NEGR1: variants seen among roughly 807,000 people sequenced by gnomAD.
NEGR1 encodes IgLON family member 4.
A neutral mutation model predicts 40.9 loss-of-function variants in NEGR1; 10 were observed. The observed-to-expected ratio is 0.24, with a 90% CI of 0.15 to 0.42. NEGR1 has a LOEUF of 0.42. Among genes scored for constraint, NEGR1 ranks in the 10% least tolerant of loss-of-function variants. The pLI, the probability that NEGR1 is intolerant of heterozygous loss-of-function variation, is 1.00. For missense variants in NEGR1, 352 were observed against 438.9 expected, an observed-to-expected ratio of 0.80 and a Z score of 1.77; for synonymous variants, 185 against 166.8, an observed-to-expected ratio of 1.11 and a Z score of -0.84.
chr1:71,469,859 T>C (rs1047351959), intron 6 of NEGR1, among the ~76,000 whole-genome samples: 1 of 152,046 alleles, frequency 6.6e-6, no homozygotes, highest in Non-Finnish European at 1.5e-5. Context: ...AAAAGTAGAG[T>C]TGATCTTTTT....
intron 2 of NEGR1, among the ~76,000 whole-genome samples, chr1:71,917,508 C>G (rs181365049): frequency 1.3e-5 from 2 of 152,040 alleles, no homozygotes; most frequent in African/African-American, 4.8e-5. Flanking sequence ...AAGAGTAAGT[C>G]GGACGGGTGC....
intron 1 of NEGR1, among the ~76,000 whole-genome samples, chr1:72,162,383 A>G (rs1244608370): frequency 6.6e-6 from 1 of 151,976 alleles, no homozygotes; most frequent in Non-Finnish European, 1.5e-5. Context: ...AATTGCTTGA[A>G]CCCGGGAGGC....
At chr1:72,264,939 GATT>G (rs1454473340) in intron 1 of NEGR1, among the ~76,000 whole-genome samples, 1 of 150,512 alleles carries the variant, frequency 6.6e-6, no homozygotes, top group African/African-American at 2.4e-5. Flanking sequence ...TCATTTTGAA[GATT>G]ATGTTAATAT....
intron 2 of NEGR1, 23 bp downstream of exon 2, chr1:71,935,056 A>G (rs1353155337): frequency 2.2e-6 from 3 of 1,342,872 alleles, no homozygotes; most frequent in African/African-American, 1.4e-5. Context: ...CTTTCACAAT[A>G]TAGCAGTTCT....
intron 1 of NEGR1, among the ~76,000 whole-genome samples, chr1:72,163,219 C>A (rs1651647945): frequency 6.6e-6 from 1 of 152,008 alleles, no homozygotes; most frequent in Non-Finnish European, 1.5e-5. Flanking sequence ...GATTACATTT[C>A]TTTTACAATA....
chr1:71,940,978 C>T (rs967097168), intron 1 of NEGR1, among the ~76,000 whole-genome samples: 1 of 152,106 alleles, frequency 6.6e-6, no homozygotes, highest in Non-Finnish European at 1.5e-5. Context: ...GAAAGAACAG[C>T]TTTCTCAAGA....
chr1:71,456,553 G>A lies in NEGR1; in HGVS notation c.941-48983C>T, dbSNP rs1021593562. Among the ~76,000 whole-genome samples, 75 of 152,206 alleles carry A rather than the reference G, an allele frequency of 4.9e-4. 6 individuals carry two copies. On this transcript the variant is annotated intron_variant, in intron 6 of 6. Transcript: ENST00000357731. ...TGTAAGGGTCCTGACTATTTTGAAA[G>A]GCAGGTAAATGTACTTTAATCATTT...
rs137855046 is a variant in NEGR1, at chr1:71,414,806, G to A, written c.941-7236C>T. ...GTAGGGACCAATGTAGAGATTTTCT[G>A]TCTGTTTGTTTACTAAACACACCTT... On this transcript the variant is annotated intron_variant, in intron 6 of 6. Coordinates refer to ENST00000357731, the MANE Select transcript of NEGR1 (RefSeq NM_173808.3). 5.3e-5 allele frequency among the ~76,000 whole-genome samples: 8 copies of A among 152,226 alleles called. No individual in the cohort carries two copies. In the East Asian group the frequency reaches 1.5e-3, roughly 29 times the overall value.
Position 72,216,195 on chromosome 1 carries a change from C to T in NEGR1, c.176+66124G>A, listed in dbSNP as rs540522885. ...GACACAGGAAGGTAACATCACCCAC[C>T]GGGGTATGTCAGGGGTGGCAGGCAA... On this transcript the variant is annotated intron_variant, in intron 1 of 6. Transcript: ENST00000357731. Among the ~76,000 whole-genome samples, 9 of 151,054 alleles carry T rather than the reference C, an allele frequency of 6.0e-5. No homozygotes were observed. The South Asian group carries it at 1.1e-3, about 18-fold the overall frequency.
intron 1 of NEGR1, among the ~76,000 whole-genome samples, chr1:72,056,281 A>G (rs555989281): frequency 1.7e-4 from 26 of 151,424 alleles, no homozygotes; most frequent in African/African-American, 6.3e-4. Flanking sequence ...GAATAGAGAG[A>G]CCTTAATTTT....
At position 72,282,483 on chromosome 1, in the gene NEGR1, C is replaced by T; in HGVS notation, c.12G>A (p.Met4Ile). The change falls in exon 1 of 7, where the codon ATG becomes ATA. Residue 4 changes from methionine (M) to isoleucine (I), a missense_variant. This residue lies in a region of NEGR1 where 81 missense variants were observed against 85.8 expected (regional missense o/e 0.94). Transcript: ENST00000357731. MDM[M>I]LLVQGACCSN... ...AGCAACAAGCACCCTGCACCAACAGCATCATGTCCATCCCTGCTAGGGCTG... is the reference window on the plus strand; with the variant it reads ...AGCAACAAGCACCCTGCACCAACAGTATCATGTCCATCCCTGCTAGGGCTG... 1 of 1,612,408 alleles carries T rather than the reference C, an allele frequency of 6.2e-7. No homozygotes were observed. Among genetic ancestry groups the T allele is most frequent in the Non-Finnish European group, 8.5e-7 (1 of 1,179,824 alleles).
In NEGR1 at chr1:72,045,831, A is replaced by G. The variant is rs552488890; in HGVS notation, c.177-110520T>C. 2.6e-3 allele frequency among the ~76,000 whole-genome samples: 390 copies of G among 151,658 alleles called. 2 individuals carry two copies. Among genetic ancestry groups the G allele is most frequent in the African/African-American group, 9.1e-3 (376 of 41,436 alleles). On this transcript the variant is annotated intron_variant, in intron 1 of 6. Transcript: ENST00000357731. ...CTACCATAGGAAAAATTAGAAAAAA[A>G]TATGTAGTTTCATATGGAGTTATCT...
intron 1 of NEGR1, among the ~76,000 whole-genome samples, chr1:72,227,150 A>G (rs1357356038): frequency 6.6e-6 from 1 of 152,086 alleles, no homozygotes; most frequent in Non-Finnish European, 1.5e-5. Flanking sequence ...AAAATGAGTT[A>G]ATTTTCTTGG....
chr1:71,491,420 T>C (rs1222949436), intron 6 of NEGR1, among the ~76,000 whole-genome samples: 1 of 151,964 alleles, frequency 6.6e-6, no homozygotes, highest in Non-Finnish European at 1.5e-5. Context: ...TATCATGGAC[T>C]TCAGAAAACG....
chr1:72,071,382 A>G (rs879389312), intron 1 of NEGR1, among the ~76,000 whole-genome samples: 13 of 152,244 alleles, frequency 8.5e-5, no homozygotes, highest in Non-Finnish European at 1.5e-4. Flanking sequence ...CCTATAAAAT[A>G]TTCAATTTAA....
intron 6 of NEGR1, among the ~76,000 whole-genome samples, chr1:71,434,652 G>A (rs534411974): frequency 4.6e-5 from 7 of 152,276 alleles, no homozygotes; most frequent in Admixed American, 2.0e-4. Context: ...CTGGAAGTGC[G>A]TCCAAGAAGT....
rs750421875 is a variant in NEGR1 at position 71,407,539 on chromosome 1, C to G, written c.972G>C (p.Gly324=). The G allele has an allele frequency of 1.1e-5, 18 of 1,612,368 alleles. No individual in the cohort carries two copies. Among genetic ancestry groups the G allele is most frequent in the Non-Finnish European group, 1.3e-5 (15 of 1,178,652 alleles). ...PPSTAQYGIT[G]SADVLFSCWY... is the part of the protein sequence containing the mutation. ...AGCAGGAGAAAAGAACATCAGCGCT[C>G]CCGGTAATTCCATACTGGGCTGTAC... Residue 324 remains glycine (G), a synonymous_variant, in exon 7 of 7, where the codon GGG becomes GGC. Transcript: ENST00000357731.
At chr1:72,266,724 AACACACACACACACACACACAC>A (rs3082237) in intron 1 of NEGR1, among the ~76,000 whole-genome samples, 2 of 133,726 alleles carry the variant, frequency 1.5e-5, no homozygotes, top group Non-Finnish European at 3.3e-5. Context: ...TAGACAGATA[AACACACACACACACACACACAC>A]ACACACACAC....
intron 3 of NEGR1, among the ~76,000 whole-genome samples, chr1:71,743,435 GA>G (rs1385653488): frequency 1.3e-5 from 2 of 151,030 alleles, no homozygotes; most frequent in East Asian, 3.9e-4. Flanking sequence ...GGCAGCCGGA[GA>G]AAAAATTTCC....
Sources: allele counts gnomAD v4.1 joint callset (sites outside exome capture counted in the v4.1 genomes callset), GRCh38; gene constraint gnomAD v4.1.1; regional missense constraint gnomAD v4.1.1; transcripts MANE v1.5; gene names NCBI Gene and HGNC (gene_info 2026-07-23, HGNC 2026-07-21).